Variants in ITGA11 observed in about 807,000 individuals in gnomAD.
ITGA11 encodes the protein integrin alpha-11.
In ITGA11, 97 loss-of-function variants were observed where a neutral mutation model predicts 141.9. That is an observed-to-expected ratio of 0.68 (90% confidence interval 0.58 to 0.81). ITGA11 has a LOEUF of 0.81. Ranked by LOEUF, ITGA11 falls within the 30% of genes least tolerant of loss-of-function variation. The pLI is 0.00. For synonymous variants in ITGA11, 658 were observed against 624.6 expected, an observed-to-expected ratio of 1.05 and a Z score of -0.80; for missense variants, 1,387 against 1,559.2, an observed-to-expected ratio of 0.89 and a Z score of 1.86.
chr15:68,391,952 A>T (rs1219845419), intron 2 of ITGA11, among the ~76,000 whole-genome samples: 6 of 152,208 alleles, frequency 3.9e-5, no homozygotes, highest in Admixed American at 3.9e-4. Flanking sequence ...TACCATGTAA[A>T]CAATATGGAT....
At chr15:68,400,660 ATATATTATATATTATATAATAAATAT>A (rs1566938467) in intron 2 of ITGA11, among the ~76,000 whole-genome samples, 12 of 31,080 alleles carry the variant, frequency 3.9e-4, no homozygotes, top group East Asian at 9.4e-4. Context: ...TATATAATAA[ATATATTATATATTATATAATAAATAT>A]TATATTATAT....
At chr15:68,339,320 G>A (rs1595866690) in intron 11 of ITGA11, among the ~76,000 whole-genome samples, 180 bp downstream of exon 11, 1 of 152,216 alleles carries the variant, frequency 6.6e-6, no homozygotes, top group East Asian at 1.9e-4. Context: ...GGTGCTGGGC[G>A]CGGTGGATAC....
chr15:68,369,260 T>C lies in ITGA11; in HGVS notation c.189A>G (p.Glu63=), dbSNP rs1239093022. 1.2e-6 allele frequency: 2 copies of C among 1,613,806 alleles called. No homozygotes were observed. Among genetic ancestry groups the C allele is most frequent in the Non-Finnish European group, 1.7e-6 (2 of 1,179,854 alleles). Residue 63 remains glutamate (E), a synonymous_variant, in exon 3 of 30, where the codon GAA becomes GAG. Transcript: ENST00000315757. ...CTCCCGTCTTCTGGTAGCCATTGGT[T>C]TCCAGTGGGGCGCCCACGACCAGCC... is the stretch of plus-strand genomic sequence containing the variant. ...NKWLVVGAPL[E]TNGYQKTGDV... is the part of the protein sequence containing the mutation.
chr15:68,296,618 GTGT>G lies in ITGA11; in HGVS notation c.*6438_*6440del, dbSNP rs1892915909. 1 of 152,016 alleles carries G rather than the reference GTGT, an allele frequency of 6.6e-6. No homozygotes were observed. The highest frequency in any genetic ancestry group is 2.1e-4 in the South Asian group (1 of 4,820). The allele number at this position is 152,016 out of a possible 1,614,324, so 9.4% of individuals were successfully genotyped here. On this transcript the variant is annotated 3_prime_UTR_variant, in exon 30 of 30. Coordinates refer to ENST00000315757, the MANE Select transcript of ITGA11 (RefSeq NM_001004439.2). Reference sequence around the variant, plus strand: ...ATTGGTGTTTGCTTTGGGGTTGTGTGTGTTTTTTTTCTACTTGTTAGAAGTTCC... The same window carrying G: ...ATTGGTGTTTGCTTTGGGGTTGTGTGTTTTTTTCTACTTGTTAGAAGTTCC...
At chr15:68,306,022 T>TAAAA (rs34840804) in intron 28 of ITGA11, among the ~76,000 whole-genome samples, 4 of 128,042 alleles carry the variant, frequency 3.1e-5, no homozygotes, top group Non-Finnish European at 1.6e-5. Context: ...CTGTCTCTAC[T>TAAAA]AAAAAAAAAA....
intron 24 of ITGA11, among the ~76,000 whole-genome samples, chr15:68,312,367 C>A (rs1893418792): frequency 1.3e-5 from 2 of 152,182 alleles, no homozygotes. Context: ...GAGCTGCAGC[C>A]ATCTTGTACT....
intron 21 of ITGA11, 109 bp downstream of exon 21, chr15:68,317,156 C>T: frequency 1.3e-6 from 1 of 781,450 alleles, no homozygotes; most frequent in Admixed American, 1.9e-5. Flanking sequence ...GCCTCCCATC[C>T]CTCCCTGGTC....
intron 10 of ITGA11, among the ~76,000 whole-genome samples, chr15:68,340,016 G>A (rs1032026792): frequency 1.3e-5 from 2 of 152,136 alleles, no homozygotes; most frequent in Non-Finnish European, 2.9e-5. Context: ...TTGAAGGAGG[G>A]AAAGGGCCCC....
intron 2 of ITGA11, among the ~76,000 whole-genome samples, chr15:68,372,679 C>T (rs12595773): frequency 0.058 from 8,832 of 152,222 alleles, 450 homozygotes; most frequent in African/African-American, 0.13. Context: ...TCTGGAAGGC[C>T]GGACATGGCA....
In ITGA11 at chr15:68,328,349, G is replaced by A. The variant is rs141167675; in HGVS notation, c.1902-87C>T. 906 of 1,261,024 alleles carry A rather than the reference G, an allele frequency of 7.2e-4. 5 individuals carry two copies. In the African/African-American group the frequency reaches 0.013, roughly 18 times the overall value. The allele number at this position is 1,261,024 out of a possible 1,614,324, so 78.1% of individuals were successfully genotyped here. Reference sequence around the variant, plus strand: ...ATGGGGAAAGACAAGAACCAGATGCGAGTGGGATCTGCAAAGCCACTGGAG... The same window carrying A: ...ATGGGGAAAGACAAGAACCAGATGCAAGTGGGATCTGCAAAGCCACTGGAG... On this transcript the variant is annotated intron_variant, in intron 15 of 29. Transcript: ENST00000315757. This position sits in a 1 kb window ranked among gnomAD's most constrained non-coding sequence, Gnocchi z 4.8.
At chr15:68,386,406 G>A (rs1456752646) in intron 2 of ITGA11, among the ~76,000 whole-genome samples, 1 of 152,116 alleles carries the variant, frequency 6.6e-6, no homozygotes, top group Non-Finnish European at 1.5e-5. Flanking sequence ...TCCATGTCTG[G>A]CCACACAGTG....
chr15:68,417,019 G>T (rs1896903853), intron 1 of ITGA11, among the ~76,000 whole-genome samples: 1 of 152,050 alleles, frequency 6.6e-6, no homozygotes, highest in South Asian at 2.1e-4. Context: ...TGATCAAAAT[G>T]GACCTCCTCT....
chr15:68,374,029 G>A (rs1214387361), intron 2 of ITGA11, among the ~76,000 whole-genome samples: 1 of 152,104 alleles, frequency 6.6e-6, no homozygotes, highest in East Asian at 1.9e-4. Context: ...TGTTTAGAGT[G>A]TACAAGGCAA....
At chr15:68,364,666 CCT>C in intron 4 of ITGA11, 39 bp downstream of exon 4, 1 of 1,412,472 alleles carries the variant, frequency 7.1e-7, no homozygotes, top group Non-Finnish European at 1.0e-6. Context: ...CACCCCCACC[CCT>C]GCCTCTCCTG....
In ITGA11 at chr15:68,301,800, C is replaced by T. The variant is rs942653139; in HGVS notation, c.*1259G>A. 1 of 152,650 alleles carries T rather than the reference C, an allele frequency of 6.6e-6. No individual in the cohort carries two copies. The highest frequency in any genetic ancestry group is 2.4e-5 in the African/African-American group (1 of 41,454). The allele number at this position is 152,650 out of a possible 1,614,324, so 9.5% of individuals were successfully genotyped here. ...TGATGCCTTTCATGTGTCCCCCTTG[C>T]ATTTCTACCTCAAAACAAGACTAAG... On this transcript the variant is annotated 3_prime_UTR_variant, in exon 30 of 30. Coordinates refer to ENST00000315757, the MANE Select transcript of ITGA11 (RefSeq NM_001004439.2). This position sits in a 1 kb window ranked among gnomAD's most constrained non-coding sequence, Gnocchi z 4.4.
intron 1 of ITGA11, among the ~76,000 whole-genome samples, chr15:68,405,564 C>A (rs960160134): frequency 6.6e-6 from 1 of 152,152 alleles, no homozygotes; most frequent in Non-Finnish European, 1.5e-5. Context: ...AAATCCCATG[C>A]CATAAATGAA....
At chr15:68,354,800 AT>A (rs1318653820) in intron 7 of ITGA11, among the ~76,000 whole-genome samples, 2 of 152,244 alleles carry the variant, frequency 1.3e-5, no homozygotes, top group East Asian at 3.9e-4. Flanking sequence ...GGACCCACAG[AT>A]TACCGACATC....
chr15:68,329,537 CT>C (rs1244916026), intron 15 of ITGA11, among the ~76,000 whole-genome samples: 1 of 152,214 alleles, frequency 6.6e-6, no homozygotes, highest in Non-Finnish European at 1.5e-5. Flanking sequence ...AAAGCTAGAG[CT>C]TGATCCAATC....
chr15:68,348,822 C>G lies in ITGA11; in HGVS notation c.1131+8G>C. 1 of 1,605,270 alleles carries G rather than the reference C, an allele frequency of 6.2e-7. No homozygotes were observed. The highest frequency in any genetic ancestry group is 8.5e-7 in the Non-Finnish European group (1 of 1,175,938). On this transcript the variant is annotated splice_region_variant and intron_variant, in intron 10 of 29. Coordinates refer to ENST00000315757, the MANE Select transcript of ITGA11 (RefSeq NM_001004439.2). Reference sequence around the variant, plus strand: ...GCTGGGCTCTGTGCCCGTACCTCCACCACATACCTCCACCACGTGCGAGGA... The same window carrying G: ...GCTGGGCTCTGTGCCCGTACCTCCAGCACATACCTCCACCACGTGCGAGGA...
Sources: allele counts gnomAD v4.1 joint callset (sites outside exome capture counted in the v4.1 genomes callset), GRCh38; gene constraint gnomAD v4.1.1; non-coding constraint Gnocchi (gnomAD v3.1); transcripts MANE v1.5; gene names NCBI Gene and HGNC (gene_info 2026-07-23, HGNC 2026-07-21).